Variants in LRP12 observed in about 807,000 individuals in gnomAD.
LRP12 encodes the protein LDL receptor related protein 12.
LRP12 carries 14 observed loss-of-function variants against 66.0 expected under a neutral mutation model. The observed-to-expected ratio is 0.21, with a 90% CI of 0.14 to 0.33. LRP12 has a LOEUF of 0.33. Ranked by LOEUF, LRP12 falls within the 10% of genes least tolerant of loss-of-function variation. The probability of loss-of-function intolerance (pLI) is 1.00; values close to 1 mark genes in which losing one functional copy is unlikely to be tolerated. For synonymous variants in LRP12, 357 were observed against 359.1 expected (o/e 0.99, Z 0.07); for missense variants, 889 against 1,053.4 (o/e 0.84, Z 2.16).
intron 1 of LRP12, among the ~76,000 whole-genome samples, chr8:104,561,293 T>C (rs1219745788): frequency 6.6e-6 from 1 of 152,174 alleles, no homozygotes; most frequent in Non-Finnish European, 1.5e-5. Context: ...TGCTGTATGT[T>C]TCATACGTAT....
chr8:104,587,899 T>G (rs547927402), intron 1 of LRP12, among the ~76,000 whole-genome samples: 1 of 152,230 alleles, frequency 6.6e-6, no homozygotes, highest in African/African-American at 2.4e-5. Flanking sequence ...GAAATACCTA[T>G]TCAGTGTGTT....
At chr8:104,492,992 T>A (rs1810661470) in intron 6 of LRP12, among the ~76,000 whole-genome samples, 1 of 152,230 alleles carries the variant, frequency 6.6e-6, no homozygotes, top group African/African-American at 2.4e-5. Context: ...AAGGCTCTTC[T>A]GTTATCCTCT....
At position 104,548,366 on chromosome 8, in the gene LRP12, TA is replaced by T. The variant is rs1466143231; in HGVS notation, c.80-16404del. Among the ~76,000 whole-genome samples, 3 of 80,612 alleles carry T rather than the reference TA, an allele frequency of 3.7e-5. No homozygotes were observed. The Admixed American group carries it at 6.0e-4, about 16-fold the overall frequency. The allele number at this position is 80,612 out of a possible 152,430, so 52.9% of individuals were successfully genotyped here. A position where few individuals can be genotyped will look rare whatever the true frequency, so the allele number is the denominator to read the frequency against. On this transcript the variant is annotated intron_variant, in intron 1 of 6. Transcript: ENST00000276654. ...ATATAAATATATAATATATATTATA[TA>T]AATATATTATATAAATATATAATAT...
chr8:104,528,331 G>T (rs1427380078), intron 2 of LRP12, among the ~76,000 whole-genome samples: 1 of 152,102 alleles, frequency 6.6e-6, no homozygotes, highest in Non-Finnish European at 1.5e-5. Flanking sequence ...TCAACAGAAA[G>T]CAAGTCCTGC....
rs560962337 is a variant in LRP12, at chr8:104,513,919, A to C, written c.137-4845T>G. Among the ~76,000 whole-genome samples, 6 of 152,268 alleles carry C rather than the reference A, an allele frequency of 3.9e-5. No homozygotes were observed. In the South Asian group the frequency reaches 1.2e-3, roughly 32 times the overall value. On this transcript the variant is annotated intron_variant, in intron 2 of 6. Coordinates refer to ENST00000276654, the MANE Select transcript of LRP12 (RefSeq NM_013437.5). ...ATGCCCACTGGACATTCTAACCTCAAATTCAACATGATCAGACCTGTGTGT... is the reference window on the plus strand; with the variant it reads ...ATGCCCACTGGACATTCTAACCTCACATTCAACATGATCAGACCTGTGTGT...
chr8:104,516,952 A>T (rs1811078964), intron 2 of LRP12, among the ~76,000 whole-genome samples: 1 of 152,034 alleles, frequency 6.6e-6, no homozygotes, highest in Non-Finnish European at 1.5e-5. Flanking sequence ...ATACTTCATG[A>T]CAAAAAGTAG....
chr8:104,503,689 C>T (rs900697651), intron 3 of LRP12, among the ~76,000 whole-genome samples: 1 of 152,124 alleles, frequency 6.6e-6, no homozygotes, highest in Non-Finnish European at 1.5e-5. Flanking sequence ...AAGCTCTGTA[C>T]ACAGTACTTT....
At chr8:104,584,248 C>T (rs1359325795) in intron 1 of LRP12, among the ~76,000 whole-genome samples, 3 of 151,924 alleles carry the variant, frequency 2.0e-5, no homozygotes, top group African/African-American at 7.2e-5. Flanking sequence ...CTTATAAAGA[C>T]TTGCAGTAAG....
rs1233524823 is a variant in LRP12 at position 104,495,132 on chromosome 8, A to G, written c.1658T>C (p.Ile553Thr). 1 of 1,613,940 alleles carries G rather than the reference A, an allele frequency of 6.2e-7. No homozygotes were observed. The highest frequency in any genetic ancestry group is 1.7e-5 in the Admixed American group (1 of 60,034). Residue 553 changes from isoleucine to threonine, a missense_variant, in exon 6 of 7, where the codon ATT becomes ACT. By Grantham distance (89) the Ile-to-Thr change is moderately conservative. Around this residue, in one of 3 missense-constraint regions of LRP12, gnomAD observed 800 missense variants for 964.5 expected, o/e 0.83. Coordinates refer to ENST00000276654, the MANE Select transcript of LRP12 (RefSeq NM_013437.5). ...AACTGGTGGAATTAAACCCTGAGCA[A>G]TCAATTGTCCATACGAGGGAGGAGC... is the stretch of plus-strand genomic sequence containing the variant. ...REAPPSYGQLIAQGLIPPVED... is the reference protein window; with the variant it reads ...REAPPSYGQLTAQGLIPPVED...
chr8:104,543,409 G>A (rs907431700), intron 1 of LRP12, among the ~76,000 whole-genome samples: 3 of 152,014 alleles, frequency 2.0e-5, no homozygotes, highest in Non-Finnish European at 2.9e-5. Context: ...TTGCTTTGAG[G>A]TGCCATAACA....
At chr8:104,508,385 C>T (rs1810940163) in intron 3 of LRP12, 1 of 152,132 alleles carries the variant, frequency 6.6e-6, no homozygotes, top group South Asian at 2.1e-4. Flanking sequence ...GCTATTTCCC[C>T]TAGGAATGCC....
At chr8:104,562,387 T>C (rs1302646313) in intron 1 of LRP12, among the ~76,000 whole-genome samples, 2 of 152,136 alleles carry the variant, frequency 1.3e-5, no homozygotes, top group African/African-American at 4.8e-5. Flanking sequence ...ATTACAGCAT[T>C]ATGTGACCAA....
intron 3 of LRP12, among the ~76,000 whole-genome samples, chr8:104,500,596 G>A (rs1299427457): frequency 1.3e-5 from 2 of 152,102 alleles, no homozygotes; most frequent in Non-Finnish European, 2.9e-5. Flanking sequence ...CCAGCTACTC[G>A]GGAGGCTGAG....
intron 1 of LRP12, among the ~76,000 whole-genome samples, chr8:104,587,492 G>C (rs1332876721): frequency 6.6e-6 from 1 of 152,070 alleles, no homozygotes; most frequent in Admixed American, 6.6e-5. Context: ...ATAAAAAATG[G>C]ACCAAACTAC....
At chr8:104,565,424 TAA>T (rs1811982438) in intron 1 of LRP12, among the ~76,000 whole-genome samples, 1 of 152,032 alleles carries the variant, frequency 6.6e-6, no homozygotes, top group Admixed American at 6.5e-5. Context: ...ATGTTTAACG[TAA>T]AAGTTACAAA....
intron 1 of LRP12, among the ~76,000 whole-genome samples, chr8:104,560,882 A>G (rs80052828): frequency 0.02 from 2,988 of 152,230 alleles, 42 homozygotes; most frequent in Middle Eastern, 0.044. Flanking sequence ...CTCATTTTCC[A>G]TACCACTGAC....
At chr8:104,505,558 A>G (rs915818571) in intron 3 of LRP12, 9 of 151,906 alleles carry the variant, frequency 5.9e-5, no homozygotes, top group African/African-American at 2.2e-4. Flanking sequence ...GCGTGCCACC[A>G]TGCCCAGCTA....
chr8:104,495,216 G>A lies in LRP12; in HGVS notation c.1581-7C>T. ...CAACTGTGTTTCAAATGATCTTTGA[G>A]AGTAGATGGAAAGAAAAATGATTAA... On this transcript the variant is annotated splice_region_variant and splice_polypyrimidine_tract_variant and intron_variant, in intron 5 of 6. Transcript: ENST00000276654. The A allele has an allele frequency of 1.2e-6, 2 of 1,604,678 alleles. No individual in the cohort carries two copies. The highest frequency in any genetic ancestry group is 1.7e-6 in the Non-Finnish European group (2 of 1,176,602).
rs1810624971 is a variant in LRP12 at position 104,491,300 on chromosome 8, C to T, written c.1953G>A (p.Glu651=). The change falls in exon 7 of 7, where the codon GAG becomes GAA. Residue 651 remains glutamate (E), a synonymous_variant. Coordinates refer to ENST00000276654, the MANE Select transcript of LRP12 (RefSeq NM_013437.5). ...CATTTTCTGTGTCTGTATCATCAGA[C>T]TCCACGGAAAACAAACTTCTGTGAG... The part of the protein sequence containing the change: ...NHTHRSLFSV[E]SDDTDTENER... 1 of 1,614,188 alleles carries T rather than the reference C, an allele frequency of 6.2e-7. No homozygotes were observed. Among genetic ancestry groups the T allele is most frequent in the Non-Finnish European group, 8.5e-7 (1 of 1,180,046 alleles).
Sources: gnomAD v4.1 joint callset for allele counts (sites outside exome capture counted in the v4.1 genomes callset) on GRCh38, gnomAD v4.1.1 for gene constraint, gnomAD v4.1.1 regional missense constraint, MANE v1.5 for transcripts, NCBI Gene and HGNC (gene_info 2026-07-23, HGNC 2026-07-21) for gene names.